Variants in SAMMSON observed in about 807,000 individuals in gnomAD.
SAMMSON encodes survival associated mitochondrial melanoma specific oncogenic non-coding RNA.
chr3:70,408,200 T>TG (rs1701191368), intron 2 of SAMMSON, among the ~76,000 whole-genome samples: 1 of 152,232 alleles, frequency 6.6e-6, no homozygotes, highest in Admixed American at 6.5e-5. Flanking sequence ...GGGCCAGCGA[T>TG]GGGAGGCGCT....
chr3:70,335,884 A>G (rs539502148), intron 7 of SAMMSON, among the ~76,000 whole-genome samples: 5 of 152,108 alleles, frequency 3.3e-5, no homozygotes, highest in African/African-American at 4.8e-5. Context: ...TTATGCTGTT[A>G]TAGCTGTATC....
intron 3 of SAMMSON, among the ~76,000 whole-genome samples, chr3:70,035,983 C>T (rs1262786483): frequency 6.6e-6 from 1 of 151,994 alleles, no homozygotes; most frequent in Non-Finnish European, 1.5e-5. Flanking sequence ...AAAATAGTAC[C>T]TGAAGAAAGT....
chr3:70,100,183 A>G (rs1206297037), intron 4 of SAMMSON, among the ~76,000 whole-genome samples: 3 of 151,802 alleles, frequency 2.0e-5, no homozygotes, highest in Admixed American at 1.3e-4. Context: ...GTGTTGCTCT[A>G]TCACTCAGGC....
intron 4 of SAMMSON, among the ~76,000 whole-genome samples, chr3:70,179,654 C>G (rs527779269): frequency 6.6e-6 from 1 of 152,300 alleles, no homozygotes; most frequent in South Asian, 2.1e-4. Flanking sequence ...CCAACACTTT[C>G]CTTCTAAGCA....
chr3:70,100,024 G>A (rs1287178980), intron 4 of SAMMSON, among the ~76,000 whole-genome samples: 2 of 152,156 alleles, frequency 1.3e-5, no homozygotes, highest in Non-Finnish European at 2.9e-5. Context: ...ACCAGAAATG[G>A]CTGGTGAAAT....
At chr3:70,042,496 C>T (rs530717874) in intron 3 of SAMMSON, among the ~76,000 whole-genome samples, 2 of 151,982 alleles carry the variant, frequency 1.3e-5, no homozygotes, top group East Asian at 3.9e-4. Context: ...TTAAAAAAAC[C>T]TTTGAGAGAC....
At chr3:70,004,052 G>A (rs1426978262) in intron 1 of SAMMSON, among the ~76,000 whole-genome samples, 1 of 151,880 alleles carries the variant, frequency 6.6e-6, no homozygotes, top group African/African-American at 2.4e-5. Context: ...TGCAGGAGAG[G>A]AGGAGAGGCT....
chr3:70,372,707 A>G (rs949950089), intron 9 of SAMMSON, among the ~76,000 whole-genome samples: 4 of 152,126 alleles, frequency 2.6e-5, no homozygotes, highest in African/African-American at 9.7e-5. Context: ...TTTTCTTTCT[A>G]GTTCCTCATC....
intron 3 of SAMMSON, chr3:70,024,909 G>A (rs1032675688): frequency 6.6e-6 from 1 of 152,220 alleles, no homozygotes. Context: ...ATTCCTTGGG[G>A]CTGTTTAGTC....
At chr3:70,125,114 C>T (rs955962660) in intron 4 of SAMMSON, 9 of 1,302,788 alleles carry the variant, frequency 6.9e-6, no homozygotes, top group East Asian at 4.6e-5. Context: ...TCTAGCAGAT[C>T]GAGCAAATTG....
chr3:70,085,941 A>G (rs1196596264), intron 4 of SAMMSON, among the ~76,000 whole-genome samples: 3 of 152,322 alleles, frequency 2.0e-5, no homozygotes. Context: ...TTCTGTTTCA[A>G]TTTTAAGGAA....
chr3:70,378,070 C>A (rs369099764), intron 9 of SAMMSON, among the ~76,000 whole-genome samples: 46 of 151,784 alleles, frequency 3.0e-4, no homozygotes, highest in African/African-American at 9.9e-4. Flanking sequence ...CCTTCTTTCC[C>A]AGCAATTCCC....
chr3:70,172,422 A>G (rs1700966433), intron 4 of SAMMSON: 1 of 151,990 alleles, frequency 6.6e-6, no homozygotes, highest in South Asian at 2.1e-4. Context: ...ATTCCATGCC[A>G]TTAAGAAACT....
intron 4 of SAMMSON, among the ~76,000 whole-genome samples, chr3:70,092,465 G>C (rs2067308319): frequency 7.1e-6 from 1 of 141,838 alleles, no homozygotes; most frequent in South Asian, 2.2e-4. Context: ...TTTTTATAAA[G>C]CTTTCGTCTC....
At chr3:70,016,685 G>A (rs1314889869) in intron 3 of SAMMSON, among the ~76,000 whole-genome samples, 1 of 152,176 alleles carries the variant, frequency 6.6e-6, no homozygotes, top group Non-Finnish European at 1.5e-5. Flanking sequence ...GAATGGTATT[G>A]CTTAGATTTT....
intron 3 of SAMMSON, among the ~76,000 whole-genome samples, chr3:70,054,436 G>A (rs549875945): frequency 1.2e-4 from 19 of 152,120 alleles, no homozygotes; most frequent in East Asian, 5.8e-4. Context: ...ACCTCATAAC[G>A]CCTCCATTCC....
chr3:70,053,049 A>C (rs112809869), intron 3 of SAMMSON, among the ~76,000 whole-genome samples: 154 of 152,272 alleles, frequency 1.0e-3, no homozygotes, highest in Non-Finnish European at 1.9e-4. Context: ...CAGAGCATAC[A>C]GTGCTGTCAC....
intron 7 of SAMMSON, among the ~76,000 whole-genome samples, chr3:70,326,700 T>C (rs1209343002): frequency 6.6e-6 from 1 of 152,198 alleles, no homozygotes; most frequent in Non-Finnish European, 1.5e-5. Context: ...TTCTCTCTTA[T>C]ATGATTACCT....
At chr3:70,269,688 T>TGG (rs1701956196) in intron 6 of SAMMSON, among the ~76,000 whole-genome samples, 1 of 152,130 alleles carries the variant, frequency 6.6e-6, no homozygotes, top group Non-Finnish European at 1.5e-5. Flanking sequence ...ACTAGCTATA[T>TGG]TTAATATAGT....
Sources: allele counts gnomAD v4.1 joint callset (sites outside exome capture counted in the v4.1 genomes callset), GRCh38; gene constraint gnomAD v4.1.1; transcripts MANE v1.5; gene names NCBI Gene and HGNC (gene_info 2026-07-23, HGNC 2026-07-21).